SKA3: variants seen among roughly 807,000 people sequenced by gnomAD.
SKA3 encodes spindle and kinetochore-associated protein 3.
SKA3 carries 39 observed loss-of-function variants against 44.2 expected under a neutral mutation model. The ratio of observed to expected loss-of-function variants is 0.88; its 90% CI spans 0.68 to 1.15. The LOEUF (loss-of-function observed/expected upper bound fraction) is 1.15, where lower values mean the gene tolerates loss of function less well. Among genes scored for constraint, SKA3 ranks in the 50% most tolerant of loss-of-function variants. SKA3 has a pLI of 0.00. For missense variants in SKA3, 511 were observed against 485.8 expected (o/e 1.05, Z -0.49); for synonymous variants, 192 against 172.0 (o/e 1.12, Z -0.91).
intron 4 of SKA3, among the ~76,000 whole-genome samples, chr13:21,164,848 G>C (rs1870621612): frequency 6.6e-6 from 1 of 151,972 alleles, no homozygotes; most frequent in African/African-American, 2.4e-5. Context: ...CCAAGCAGGT[G>C]GAACTAAGGC....
intron 4 of SKA3, among the ~76,000 whole-genome samples, chr13:21,162,707 G>T (rs1870505148): frequency 6.6e-6 from 1 of 152,080 alleles, no homozygotes; most frequent in South Asian, 2.1e-4. Context: ...TTTTAAAAGT[G>T]TGTATACAGT....
intron 7 of SKA3, 33 bp downstream of exon 7, chr13:21,157,889 C>CAAAA (rs10700757): frequency 0.1 from 121,801 of 1,191,544 alleles, 1,398 homozygotes; most frequent in Middle Eastern, 0.12. Context: ...AGAATATCAG[C>CAAAA]AAAAAAAAAA....
intron 3 of SKA3, among the ~76,000 whole-genome samples, chr13:21,170,179 CT>C (rs1192752791): frequency 0.029 from 4,061 of 138,320 alleles, 59 homozygotes; most frequent in African/African-American, 0.059. Context: ...AGGTTATATA[CT>C]TTTTTTTTTT....
At chr13:21,162,435 G>A (rs1443196728) in intron 4 of SKA3, among the ~76,000 whole-genome samples, 2 of 151,244 alleles carry the variant, frequency 1.3e-5, no homozygotes, top group African/African-American at 2.4e-5. Context: ...GTGCTATCTC[G>A]GCTCATTGCA....
chr13:21,160,051 G>C (rs1565992469), intron 5 of SKA3, 64 bp from the exon 6 acceptor site: 1 of 1,030,148 alleles, frequency 9.7e-7, no homozygotes, highest in East Asian at 4.0e-5. Context: ...TGGACAGGAA[G>C]AAAATCTCAT....
At position 21,172,322 on chromosome 13, in the gene SKA3, A is replaced by G. The variant is rs1871095809; in HGVS notation, c.331+17T>C. ...TTCAATACTAAAACAAATGCTATAA[A>G]ATGAAGTTATTCAAACCTGAATTTT... On this transcript the variant is annotated intron_variant, in intron 3 of 8. Coordinates refer to ENST00000314759, the MANE Select transcript of SKA3 (RefSeq NM_145061.6). 1 of 1,135,854 alleles carries G rather than the reference A, an allele frequency of 8.8e-7. No individual in the cohort carries two copies. Among genetic ancestry groups the G allele is most frequent in the African/African-American group, 1.5e-5 (1 of 64,996 alleles). The allele number at this position is 1,135,854 out of a possible 1,614,324, so 70.4% of individuals were successfully genotyped here. A position where few individuals can be genotyped will look rare whatever the true frequency, so the allele number is the denominator to read the frequency against.
chr13:21,159,140 T>C (rs548890790), intron 6 of SKA3, among the ~76,000 whole-genome samples: 3 of 152,338 alleles, frequency 2.0e-5, no homozygotes, highest in Non-Finnish European at 4.4e-5. Context: ...AGCCACATTT[T>C]CAGTGCTCAA....
intron 8 of SKA3, 72 bp downstream of exon 8, chr13:21,155,621 G>T: frequency 1.0e-6 from 1 of 977,524 alleles, no homozygotes; most frequent in African/African-American, 1.6e-5. Context: ...TGGTCAGGAT[G>T]GTCAAATGTT....
intron 4 of SKA3, among the ~76,000 whole-genome samples, chr13:21,162,800 C>A (rs1870509509): frequency 6.6e-6 from 1 of 152,118 alleles, no homozygotes; most frequent in Non-Finnish European, 1.5e-5. Flanking sequence ...ATGCCTGTTG[C>A]AGGGCCAAAG....
At chr13:21,158,999 C>T (rs979118407) in intron 6 of SKA3, among the ~76,000 whole-genome samples, 2 of 152,132 alleles carry the variant, frequency 1.3e-5, no homozygotes, top group Non-Finnish European at 1.5e-5. Context: ...CAACTGATAA[C>T]ACAGCCCTGT....
chr13:21,163,166 G>T (rs888135510), intron 4 of SKA3, among the ~76,000 whole-genome samples: 2 of 151,716 alleles, frequency 1.3e-5, no homozygotes, highest in African/African-American at 2.4e-5. Flanking sequence ...AAATTGGAAA[G>T]AACCAAAATA....
At chr13:21,165,934 A>G in intron 4 of SKA3, among the ~76,000 whole-genome samples, 1 of 152,136 alleles carries the variant, frequency 6.6e-6, no homozygotes, top group Admixed American at 6.6e-5. Flanking sequence ...ACCTTGTCTC[A>G]AAACAATAAC....
rs10700757 is a variant in SKA3, at chr13:21,157,889, C to CAAAAA, written c.1119+28_1119+32dup. 8.5e-3 allele frequency: 10,335 copies of CAAAAA among 1,209,370 alleles called. 19 individuals are homozygous for CAAAAA. Among genetic ancestry groups the CAAAAA allele is most frequent in the Middle Eastern group, 0.013 (47 of 3,754 alleles). 74.9% of individuals were successfully genotyped at this position (1,209,370 alleles called of 1,614,324 possible). A position where few individuals can be genotyped will look rare whatever the true frequency, so the allele number is the denominator to read the frequency against. The stretch of plus-strand genomic sequence containing the variant: ...TATTTCATATTGAAAAGAATATCAG[C>CAAAAA]AAAAAAAAAAAAAAATAGCCTGGAA... On this transcript the variant is annotated intron_variant, in intron 7 of 8. Transcript: ENST00000314759.
intron 1 of SKA3, among the ~76,000 whole-genome samples, chr13:21,173,539 G>T (rs755317575): frequency 6.6e-6 from 1 of 152,200 alleles, no homozygotes; most frequent in South Asian, 2.1e-4. Context: ...TTATAGGCGT[G>T]AGCCACTGCA....
Position 21,168,272 on chromosome 13 carries a change from T to A in SKA3, c.459A>T (p.Pro153=), listed in dbSNP as rs749903393. The A allele has an allele frequency of 8.7e-6, 14 of 1,614,104 alleles. No individual in the cohort carries two copies. The highest frequency in any genetic ancestry group is 1.2e-5 in the Non-Finnish European group (14 of 1,180,050). The change falls in exon 4 of 9, where the codon CCA becomes CCT. Residue 153 remains proline, a synonymous_variant. Coordinates refer to ENST00000314759, the MANE Select transcript of SKA3 (RefSeq NM_145061.6). ...VASSCISEKS[P]RSPQLSDFGL... ...CAAAATCTGAAAGTTGTGGACTACG[T>A]GGAGACTTCTCAGAAATACAACTGC...
intron 2 of SKA3, 40 bp downstream of exon 2, chr13:21,172,580 G>A (rs1259853233): frequency 9.4e-6 from 13 of 1,387,400 alleles, no homozygotes; most frequent in Middle Eastern, 1.9e-4. Context: ...AAAATTACTC[G>A]CCACAGAAAA....
At chr13:21,166,371 C>T (rs1301679248) in intron 4 of SKA3, among the ~76,000 whole-genome samples, 1 of 152,132 alleles carries the variant, frequency 6.6e-6, no homozygotes, top group Non-Finnish European at 1.5e-5. Context: ...TTTTCTAAAA[C>T]TTTAATATAT....
chr13:21,171,236 C>T (rs139921044), intron 3 of SKA3, among the ~76,000 whole-genome samples: 1 of 152,280 alleles, frequency 6.6e-6, no homozygotes, highest in Non-Finnish European at 1.5e-5. Context: ...TTTAACTTAC[C>T]TGCCACACAC....
chr13:21,165,608 A>G (rs974559079), intron 4 of SKA3, among the ~76,000 whole-genome samples: 2 of 152,042 alleles, frequency 1.3e-5, no homozygotes, highest in African/African-American at 4.8e-5. Context: ...AATATTTCTT[A>G]TTTCCTATCT....
Sources: gnomAD v4.1 joint callset for allele counts (sites outside exome capture counted in the v4.1 genomes callset) on GRCh38, gnomAD v4.1.1 for gene constraint, MANE v1.5 for transcripts, NCBI Gene and HGNC (gene_info 2026-07-23, HGNC 2026-07-21) for gene names.